IL15: variants seen among roughly 807,000 people sequenced by gnomAD.
The protein encoded by IL15 is interleukin 15, also known as interleukin-15.
Under a neutral mutation model 19.6 loss-of-function variants are expected in IL15, and 11 were observed. The observed-to-expected ratio is 0.56, with a 90% CI of 0.35 to 0.93. The LOEUF (loss-of-function observed/expected upper bound fraction) is 0.93, where lower values mean the gene tolerates loss of function less well. IL15 is among the 40% of genes least tolerant of loss of function. IL15 has a pLI of 0.01. For missense variants in IL15, 197 were observed against 186.5 expected, an observed-to-expected ratio of 1.06 and a Z score of -0.33; for synonymous variants, 58 against 59.6, an observed-to-expected ratio of 0.97 and a Z score of 0.12.
At chr4:141,655,224 T>C (rs1418349128) in intron 1 of IL15, among the ~76,000 whole-genome samples, 1 of 152,134 alleles carries the variant, frequency 6.6e-6, no homozygotes, top group Non-Finnish European at 1.5e-5. Context: ...TGGGCCTCTC[T>C]TAAGTGTGCC....
At chr4:141,686,593 T>C (rs1728721343) in intron 2 of IL15, among the ~76,000 whole-genome samples, 1 of 152,168 alleles carries the variant, frequency 6.6e-6, no homozygotes, top group Admixed American at 6.5e-5. Flanking sequence ...CATACGGTTA[T>C]TGTGAGCGTC....
In IL15 at chr4:141,696,839, GC is replaced by G. The variant is rs201385245; in HGVS notation, c.-99-22524del. Among the ~76,000 whole-genome samples the G allele has an allele frequency of 8.6e-3, 1,303 of 151,806 alleles. 10 individuals carry two copies. Among genetic ancestry groups the G allele is most frequent in the Non-Finnish European group, 0.013 (887 of 67,848 alleles). ...TGGGAATTATTTATTTTTGTCCTTT[GC>G]CCACTTTTTGATGTGATTATTTGTT... is the stretch of plus-strand genomic sequence containing the variant. On this transcript the variant is annotated intron_variant, in intron 2 of 7. Transcript: ENST00000320650.
intron 2 of IL15, among the ~76,000 whole-genome samples, chr4:141,708,134 G>A (rs1310217975): frequency 6.6e-6 from 1 of 152,178 alleles, no homozygotes; most frequent in Non-Finnish European, 1.5e-5. Context: ...AGTGCTTGCT[G>A]GCTGTGAAGC....
chr4:141,710,801 A>G (rs531078883), intron 2 of IL15, among the ~76,000 whole-genome samples: 1 of 151,250 alleles, frequency 6.6e-6, no homozygotes, highest in Admixed American at 6.6e-5. Context: ...TTTTTTTTTC[A>G]TAGTTAAATT....
chr4:141,646,754 T>A (rs1727239782), intron 1 of IL15, among the ~76,000 whole-genome samples: 1 of 152,106 alleles, frequency 6.6e-6, no homozygotes, highest in Non-Finnish European at 1.5e-5. Flanking sequence ...TTTTGGAGCT[T>A]TTTTGATTTA....
chr4:141,668,308 G>A (rs1182061606), intron 2 of IL15, among the ~76,000 whole-genome samples: 1 of 151,750 alleles, frequency 6.6e-6, no homozygotes, highest in Non-Finnish European at 1.5e-5. Flanking sequence ...CTCTGATGTG[G>A]TGGGTTCAGC....
rs902689461 is a variant in IL15, at chr4:141,656,252, C to T, written c.-155C>T. 2.8e-5 allele frequency: 11 copies of T among 398,170 alleles called. No individual in the cohort carries two copies. The highest frequency in any genetic ancestry group is 1.9e-4 in the African/African-American group (9 of 48,578). 24.7% of individuals were successfully genotyped at this position (398,170 alleles called of 1,614,324 possible). On this transcript the variant is annotated 5_prime_UTR_variant, in exon 2 of 8. In the 5' UTR this introduces an upstream ATG that the reference lacks. Transcript: ENST00000320650. ...GTTCCATCATGTTCCATGCTGCTGA[C>T]GTCACATGGAGCACAGAAATCAATG...
chr4:141,695,013 A>T (rs1228541072), intron 2 of IL15, among the ~76,000 whole-genome samples: 1 of 152,066 alleles, frequency 6.6e-6, no homozygotes. Context: ...GCACCTTCCA[A>T]TTTGTCTCCC....
chr4:141,688,482 C>G (rs1456085438), intron 2 of IL15, among the ~76,000 whole-genome samples: 1 of 152,158 alleles, frequency 6.6e-6, no homozygotes, highest in East Asian at 1.9e-4. Context: ...TCAGAGTATA[C>G]AAGAGTGCTA....
chr4:141,686,477 A>T (rs1422231864), intron 2 of IL15, among the ~76,000 whole-genome samples: 1 of 152,202 alleles, frequency 6.6e-6, no homozygotes, highest in African/African-American at 2.4e-5. Flanking sequence ...CACATGTTCA[A>T]ATCCTGACAC....
chr4:141,702,611 G>C (rs1729359278), intron 2 of IL15, among the ~76,000 whole-genome samples: 1 of 152,188 alleles, frequency 6.6e-6, no homozygotes, highest in African/African-American at 2.4e-5. Context: ...TGTAAGCTGA[G>C]ATCCCACAGC....
chr4:141,644,785 A>T (rs1727172134), intron 1 of IL15, among the ~76,000 whole-genome samples: 1 of 152,176 alleles, frequency 6.6e-6, no homozygotes, highest in African/African-American at 2.4e-5. Context: ...GCTTTAAAAA[A>T]ATACCATTTC....
intron 2 of IL15, among the ~76,000 whole-genome samples, chr4:141,682,339 TCTAA>T (rs1253459812): frequency 1.3e-5 from 2 of 152,238 alleles, no homozygotes; most frequent in Non-Finnish European, 1.5e-5. Flanking sequence ...CTTAATGATG[TCTAA>T]CTGTGAATTT....
intron 2 of IL15, among the ~76,000 whole-genome samples, chr4:141,658,184 C>A: frequency 6.6e-6 from 1 of 152,186 alleles, no homozygotes; most frequent in East Asian, 1.9e-4. Context: ...GCACCTCCCC[C>A]TGCTCTCTTT....
At chr4:141,686,147 T>A (rs1728704241) in intron 2 of IL15, among the ~76,000 whole-genome samples, 1 of 151,848 alleles carries the variant, frequency 6.6e-6, no homozygotes, top group African/African-American at 2.4e-5. Flanking sequence ...ATAAAAAAAT[T>A]AGCCAGGCAT....
chr4:141,683,430 G>C (rs1478824073), intron 2 of IL15, among the ~76,000 whole-genome samples: 1 of 151,742 alleles, frequency 6.6e-6, no homozygotes, highest in Non-Finnish European at 1.5e-5. Context: ...AATTAGCCTG[G>C]CATGGCGGTG....
At chr4:141,656,447 AT>A (rs1252328162) in intron 2 of IL15, 140 bp downstream of exon 2, 12 of 391,358 alleles carry the variant, frequency 3.1e-5, no homozygotes, top group Non-Finnish European at 4.5e-5. Context: ...GGTTTAAAAA[AT>A]ATACCCTTTG....
intron 2 of IL15, among the ~76,000 whole-genome samples, chr4:141,695,198 C>CTCTTTG (rs1729050568): frequency 6.7e-6 from 1 of 149,862 alleles, no homozygotes; most frequent in Non-Finnish European, 1.5e-5. Flanking sequence ...TAACTTTATA[C>CTCTTTG]TCTTTGGCCA....
chr4:141,668,279 A>G (rs1290068380), intron 2 of IL15, among the ~76,000 whole-genome samples: 2 of 152,000 alleles, frequency 1.3e-5, no homozygotes. Flanking sequence ...GCCTCAGCCT[A>G]CCTCCCTGGG....
Sources: allele counts gnomAD v4.1 joint callset (sites outside exome capture counted in the v4.1 genomes callset), GRCh38; gene constraint gnomAD v4.1.1; transcripts MANE v1.5; gene names NCBI Gene and HGNC (gene_info 2026-07-23, HGNC 2026-07-21).